Variants in PCBP3 observed in about 807,000 individuals in gnomAD.
PCBP3 encodes poly(rC)-binding protein 3.
In PCBP3, 25 loss-of-function variants were observed where a neutral mutation model predicts 52.7. That is an observed-to-expected ratio of 0.47 (90% CI 0.35 to 0.66). The LOEUF (loss-of-function observed/expected upper bound fraction) is 0.66, where lower values mean the gene tolerates loss of function less well. Ranked by LOEUF, PCBP3 falls within the 30% of genes least tolerant of loss-of-function variation. The pLI is 0.01. For synonymous variants in PCBP3, 162 were observed against 183.0 expected (o/e 0.89, Z 0.93); for missense variants, 391 against 490.3 (o/e 0.80, Z 1.91).
At chr21:45,808,062 A>G (rs2092565664) in intron 4 of PCBP3, among the ~76,000 whole-genome samples, 1 of 152,228 alleles carries the variant, frequency 6.6e-6, no homozygotes, top group Non-Finnish European at 1.5e-5. Flanking sequence ...TGGATTAAAG[A>G]CTTACATATA....
chr21:45,739,194 A>C (rs1468449377), intron 3 of PCBP3, among the ~76,000 whole-genome samples: 53 of 24,046 alleles, frequency 2.2e-3, no homozygotes, highest in Admixed American at 5.5e-3. Flanking sequence ...TCATCAGCCC[A>C]CCCCTTCCTG....
At chr21:45,690,367 A>G (rs1277539161) in intron 2 of PCBP3, among the ~76,000 whole-genome samples, 2 of 152,126 alleles carry the variant, frequency 1.3e-5, no homozygotes, top group Non-Finnish European at 2.9e-5. Context: ...TTAGAAGAAA[A>G]CAAAGGAGAA....
At chr21:45,770,222 G>C (rs1242740755) in intron 4 of PCBP3, among the ~76,000 whole-genome samples, 3 of 152,236 alleles carry the variant, frequency 2.0e-5, no homozygotes, top group Non-Finnish European at 2.9e-5. Flanking sequence ...AATATGGAAA[G>C]TAAATGAAAT....
chr21:45,691,543 CAGAG>C (rs1468111470), intron 2 of PCBP3, among the ~76,000 whole-genome samples: 1 of 150,782 alleles, frequency 6.6e-6, no homozygotes, highest in Non-Finnish European at 1.5e-5. Context: ...ATAAATTAAA[CAGAG>C]AGAGGGAGAA....
intron 5 of PCBP3, chr21:45,871,266 TGCAGTCCAGTGCCC>T (rs1212514716): frequency 0.073 from 11,929 of 163,918 alleles, 462 homozygotes; most frequent in South Asian, 0.13. Context: ...GGGAAGGCCG[TGCAGTCCAGTGCCC>T]GGGAGAGACG....
intron 9 of PCBP3, among the ~76,000 whole-genome samples, chr21:45,906,875 A>T (rs1282368595): frequency 6.6e-6 from 1 of 152,216 alleles, no homozygotes; most frequent in Non-Finnish European, 1.5e-5. Context: ...GAAAATAGGG[A>T]GAGAAAACAC....
intron 2 of PCBP3, among the ~76,000 whole-genome samples, chr21:45,674,986 A>G (rs1199179570): frequency 5.3e-5 from 8 of 152,154 alleles, no homozygotes; most frequent in Non-Finnish European, 7.4e-5. Flanking sequence ...TCTGGATGCC[A>G]CCGCATCTTC....
rs1336528997 is a variant in PCBP3, at chr21:45,817,040, G to T, written c.-125-32921G>T. Among the ~76,000 whole-genome samples the T allele has an allele frequency of 6.6e-6, 1 of 152,118 alleles. No individual in the cohort carries two copies. The highest frequency in any genetic ancestry group is 2.4e-5 in the African/African-American group (1 of 41,428). ...AAGGGACGGCTGTGGTATATGGCAC[G>T]TCTGTTGTTGCCTGAAATGCCGTTG... is the stretch of plus-strand genomic sequence containing the variant. On this transcript the variant is annotated intron_variant, in intron 4 of 17. Transcript: ENST00000681687. This position sits in a 1 kb window ranked among gnomAD's most constrained non-coding sequence, Gnocchi z 4.3.
chr21:45,699,932 T>A (rs558253147), intron 2 of PCBP3, among the ~76,000 whole-genome samples: 1 of 152,140 alleles, frequency 6.6e-6, no homozygotes, highest in Non-Finnish European at 1.5e-5. Context: ...CCCTCTCAAA[T>A]CTCATGTCTT....
intron 5 of PCBP3, among the ~76,000 whole-genome samples, chr21:45,881,332 T>G (rs7280054): frequency 0.77 from 117,156 of 152,128 alleles, 45,616 homozygotes; most frequent in East Asian, 1. Context: ...TGTGTGAAAT[T>G]ATTAAATCAA....
intron 4 of PCBP3, among the ~76,000 whole-genome samples, chr21:45,782,361 C>T (rs1476266037): frequency 6.6e-6 from 1 of 152,098 alleles, no homozygotes; most frequent in Non-Finnish European, 1.5e-5. Context: ...TAATAAGAAT[C>T]AAATGGACAT....
intron 2 of PCBP3, among the ~76,000 whole-genome samples, chr21:45,671,930 C>T (rs756950381): frequency 6.6e-6 from 1 of 152,124 alleles, no homozygotes; most frequent in Non-Finnish European, 1.5e-5. Context: ...GTCTGTTGTC[C>T]TCCAGGCCTC....
At chr21:45,651,125 G>C (rs114230777) in intron 1 of PCBP3, among the ~76,000 whole-genome samples, 3,251 of 152,202 alleles carry the variant, frequency 0.021, 121 homozygotes, top group African/African-American at 0.073. Flanking sequence ...GCTTAAATTC[G>C]TGACTCACAG....
At chr21:45,766,068 T>G (rs578044246) in intron 4 of PCBP3, among the ~76,000 whole-genome samples, 1 of 152,244 alleles carries the variant, frequency 6.6e-6, no homozygotes. Flanking sequence ...TCTTGTCTCC[T>G]GTGGGACTGA....
rs1168054154 is a variant in PCBP3, at chr21:45,685,915, CTTTT to C, written c.-200+16981_-200+16984del. Among the ~76,000 whole-genome samples the C allele has an allele frequency of 8.8e-5, 11 of 125,452 alleles. No individual in the cohort carries two copies. The East Asian group carries it at 1.4e-3, about 15-fold the overall frequency. 82.3% of individuals were successfully genotyped at this position (125,452 alleles called of 152,430 possible). On this transcript the variant is annotated intron_variant, in intron 2 of 17. Coordinates refer to ENST00000681687, the MANE Select transcript of PCBP3 (RefSeq NM_001384156.1). The stretch of plus-strand genomic sequence containing the variant: ...CAAAACAAAAAGCCTGTAAGATGAA[CTTTT>C]TTTTTTTTTTTTTTTTTGAGATGGA...
intron 2 of PCBP3, among the ~76,000 whole-genome samples, chr21:45,695,702 T>C (rs2082725887): frequency 6.6e-6 from 1 of 152,200 alleles, no homozygotes; most frequent in Non-Finnish European, 1.5e-5. Flanking sequence ...ATTACTTCTG[T>C]AATTATTGTC....
At position 45,880,931 on chromosome 21, in the gene PCBP3, G is replaced by A. The variant is rs1305186571; in HGVS notation, c.11-15277G>A. ...CACAGCAGTGGGAAGGTACCCAGGGGCTTCAGCACGGGGTGAGTCCAAGCT... is the reference window on the plus strand; with the variant it reads ...CACAGCAGTGGGAAGGTACCCAGGGACTTCAGCACGGGGTGAGTCCAAGCT... On this transcript the variant is annotated intron_variant, in intron 5 of 17. Coordinates refer to ENST00000681687, the MANE Select transcript of PCBP3 (RefSeq NM_001384156.1). This position sits in a 1 kb window ranked among gnomAD's most constrained non-coding sequence, Gnocchi z 5.4. 2.0e-5 allele frequency among the ~76,000 whole-genome samples: 3 copies of A among 152,158 alleles called. No homozygotes were observed. Among genetic ancestry groups the A allele is most frequent in the Non-Finnish European group, 2.9e-5 (2 of 68,018 alleles).
intron 5 of PCBP3, among the ~76,000 whole-genome samples, chr21:45,861,942 T>C (rs909547945): frequency 6.6e-6 from 1 of 152,230 alleles, no homozygotes; most frequent in Non-Finnish European, 1.5e-5. Flanking sequence ...GGATCAAGAC[T>C]CTAGCAGGTT....
chr21:45,849,660 G>A (rs1411877175), intron 4 of PCBP3, among the ~76,000 whole-genome samples: 1 of 152,290 alleles, frequency 6.6e-6, no homozygotes, highest in East Asian at 1.9e-4. Context: ...AATCAGTGTA[G>A]ATATAAGGAA....
Sources: allele counts gnomAD v4.1 joint callset (sites outside exome capture counted in the v4.1 genomes callset), GRCh38; gene constraint gnomAD v4.1.1; non-coding constraint Gnocchi (gnomAD v3.1); transcripts MANE v1.5; gene names NCBI Gene and HGNC (gene_info 2026-07-23, HGNC 2026-07-21).